The following NPC1L1 variants were observed in gnomAD, a reference collection of about 807,000 sequenced individuals.
The protein encoded by NPC1L1 is NPC1 like intracellular cholesterol transporter 1.
NPC1L1 carries 98 observed loss-of-function variants against 117.0 expected under a neutral mutation model. The observed-to-expected ratio is 0.84, with a 90% CI of 0.71 to 0.99. The LOEUF (loss-of-function observed/expected upper bound fraction) is 0.99, where lower values mean the gene tolerates loss of function less well. Among genes scored for constraint, NPC1L1 ranks in the 50% least tolerant of loss-of-function variants. The pLI is 0.00. For synonymous variants in NPC1L1, 729 were observed against 727.6 expected (o/e 1.00, Z -0.03); for missense variants, 1,540 against 1,710.0 (o/e 0.90, Z 1.75).
Position 44,533,541 on chromosome 7 carries a change from G to GC in NPC1L1, c.2298dup (p.Pro767AlafsTer17). The GC allele has an allele frequency of 6.2e-7, 1 of 1,614,218 alleles. No individual in the cohort carries two copies. Among genetic ancestry groups the GC allele is most frequent in the Non-Finnish European group, 8.5e-7 (1 of 1,180,036 alleles). On this transcript the variant is annotated frameshift_variant, in exon 8 of 19. Transcript: ENST00000381160. LOFTEE classifies it high-confidence loss of function. Reference sequence around the variant, plus strand: ...GTCAGGGCAAAGGTCCGCACAGCTGGCATGGGGGTCAGGGCCCCTGTGAGG... The same window carrying GC: ...GTCAGGGCAAAGGTCCGCACAGCTGGCCATGGGGGTCAGGGCCCCTGTGAGG...
intron 10 of NPC1L1, among the ~76,000 whole-genome samples, chr7:44,524,909 A>G (rs927325893): frequency 1.3e-5 from 2 of 152,146 alleles, no homozygotes; most frequent in African/African-American, 4.8e-5. Flanking sequence ...GCTAAAAAGT[A>G]CAGTAACTTA....
intron 15 of NPC1L1, 77 bp from the exon 16 acceptor site, chr7:44,517,011 G>T (rs556804455): frequency 2.0e-6 from 3 of 1,476,542 alleles, no homozygotes; most frequent in Non-Finnish European, 2.8e-6. Flanking sequence ...CACTTCAGAA[G>T]GAGAATGCTG....
At position 44,539,029 on chromosome 7, in the gene NPC1L1, T is replaced by C. The variant is rs995394486; in HGVS notation, c.1368A>G (p.Val456=). The C allele has an allele frequency of 1.9e-6, 3 of 1,613,978 alleles. No individual in the cohort carries two copies. The highest frequency in any genetic ancestry group is 2.7e-5 in the African/African-American group (2 of 74,906). The change falls in exon 2 of 19, where the codon GTA becomes GTG. Residue 456 remains valine (V), a synonymous_variant. Transcript: ENST00000381160. The surrounding 1 kb of genome is among the most constrained non-coding windows in gnomAD (Gnocchi z 4.4). ...ELQERLRHLQ[V]WSPEAQRNIS... ...TGTTGCGCTGTGCTTCGGGCGACCA[T>C]ACCTGGAGGTGCCGCAGCCTCTCCT... is the stretch of plus-strand genomic sequence containing the variant.
At chr7:44,519,536 T>C (rs1034004628) in intron 14 of NPC1L1, among the ~76,000 whole-genome samples, 2 of 152,108 alleles carry the variant, frequency 1.3e-5, no homozygotes, top group Non-Finnish European at 2.9e-5. Flanking sequence ...GTGAGCGAAC[T>C]TGAGGCAGCT....
At position 44,517,257 on chromosome 7, in the gene NPC1L1, G is replaced by A. The variant is rs1294369095; in HGVS notation, c.3237C>T (p.Asp1079=). 3 of 1,614,058 alleles carry A rather than the reference G, an allele frequency of 1.9e-6. No individual in the cohort carries two copies. The highest frequency in any genetic ancestry group is 2.5e-6 in the Non-Finnish European group (3 of 1,180,016). Residue 1079 remains aspartate (D), a synonymous_variant, in exon 15 of 19, where the codon GAC becomes GAT. Transcript: ENST00000381160. ...ARELAANITA[D]LRKVPGTDPA... is the part of the protein sequence containing the mutation. Reference sequence around the variant, plus strand: ...GGTCTGTTCCAGGCACTTTCCGCAGGTCAGCAGTGATGTTGGCTGCCAGCT... The same window carrying A: ...GGTCTGTTCCAGGCACTTTCCGCAGATCAGCAGTGATGTTGGCTGCCAGCT...
rs190200629 is a variant in NPC1L1, at chr7:44,521,716, G to A, written c.2949C>T (p.Thr983=). ...TCCCCATGGCCCCACACTCACTGAC[G>A]GTCGAGGGGCAGAACTTGTCCTTAT... ...GPNKDKFCPS[T]VNSLNCLKNC... Residue 983 remains threonine (T), a synonymous_variant, in exon 12 of 19, where the codon ACC becomes ACT. Coordinates refer to ENST00000381160, the MANE Select transcript of NPC1L1 (RefSeq NM_001101648.2). 2.9e-4 allele frequency: 464 copies of A among 1,614,100 alleles called. 3 individuals carry two copies. In the Admixed American group the frequency reaches 5.5e-3, roughly 19 times the overall value.
intron 18 of NPC1L1, among the ~76,000 whole-genome samples, chr7:44,514,116 G>A (rs1213623995): frequency 6.6e-6 from 1 of 152,164 alleles, no homozygotes; most frequent in Non-Finnish European, 1.5e-5. Context: ...AAAATGGGAA[G>A]GATAATAATA....
intron 10 of NPC1L1, among the ~76,000 whole-genome samples, chr7:44,528,675 T>C (rs578211858): frequency 2.6e-5 from 4 of 152,034 alleles, no homozygotes; most frequent in Non-Finnish European, 5.9e-5. Flanking sequence ...AAACAAAAAA[T>C]CTACAAGGCA....
chr7:44,520,677 A>G (rs568903267), intron 14 of NPC1L1, 88 bp downstream of exon 14: 260 of 1,131,336 alleles, frequency 2.3e-4, no homozygotes, highest in Non-Finnish European at 3.4e-4. Flanking sequence ...GGAGGGAGAC[A>G]ACATGTGACA....
Position 44,518,648 on chromosome 7 carries a change from G to A in NPC1L1, c.3137-1291C>T, listed in dbSNP as rs1480810950. ...TGTGCCACTGTACTCCAGCCTGGGTGACAGAATGGCAACTGTGTCTCAAAA... is the reference window on the plus strand; with the variant it reads ...TGTGCCACTGTACTCCAGCCTGGGTAACAGAATGGCAACTGTGTCTCAAAA... On this transcript the variant is annotated intron_variant, in intron 14 of 18. Transcript: ENST00000381160. 8.0e-5 allele frequency: 86 copies of A among 1,077,572 alleles called. No homozygotes were observed. The highest frequency in any genetic ancestry group is 9.8e-5 in the Non-Finnish European group (79 of 808,616). The allele number at this position is 1,077,572 out of a possible 1,614,324, so 66.8% of individuals were successfully genotyped here.
At chr7:44,525,336 C>A (rs761847784) in intron 10 of NPC1L1, among the ~76,000 whole-genome samples, 3 of 152,102 alleles carry the variant, frequency 2.0e-5, no homozygotes, top group Non-Finnish European at 2.9e-5. Flanking sequence ...CGGCTCACTG[C>A]AACCTCTGCC....
rs1801338532 is a variant in NPC1L1 at position 44,521,058 on chromosome 7, A to G, written c.3014T>C (p.Val1005Ala). 1.9e-6 allele frequency: 3 copies of G among 1,614,180 alleles called. No individual in the cohort carries two copies. In the East Asian group the frequency reaches 6.7e-5, roughly 36 times the overall value. ...GGGAAGATACTTATGGAACTGCTCC[A>G]CCGAGGGCCTCACAGAGCCCATCGT... ...SITMGSVRPS[V>A]EQFHKYLPWF... The change falls in exon 13 of 19, where the codon GTG (valine) becomes GCG (alanine). Residue 1005 changes from valine to alanine, a missense_variant. Physicochemically the swap from Val to Ala is moderately conservative, Grantham distance 64. Around this residue, in one of 3 missense-constraint regions of NPC1L1, gnomAD observed 742 missense variants for 873.6 expected, o/e 0.85. Coordinates refer to ENST00000381160, the MANE Select transcript of NPC1L1 (RefSeq NM_001101648.2).
chr7:44,539,437 C>G lies in NPC1L1; in HGVS notation c.960G>C (p.Lys320Asn), dbSNP rs1257274192. The change falls in exon 2 of 19, where the codon AAG becomes AAC. Residue 320 changes from lysine to asparagine, a missense_variant. This residue lies in a region of NPC1L1 where 793 missense variants were observed against 820.4 expected (regional missense o/e 0.97). Transcript: ENST00000381160. The surrounding 1 kb of genome is among the most constrained non-coding windows in gnomAD (Gnocchi z 4.4). ...GCTTGTCAGAGAGGCTGGTGCCCTT[C>G]TTGGGGTCCACCATCTTGCTTTTGT... is the stretch of plus-strand genomic sequence containing the variant. ...ARDKSKMVDP[K>N]KGTSLSDKLS... 1 of 1,613,860 alleles carries G rather than the reference C, an allele frequency of 6.2e-7. No individual in the cohort carries two copies. The highest frequency in any genetic ancestry group is 2.2e-5 in the East Asian group (1 of 44,892).
At chr7:44,526,413 G>A (rs1801516802) in intron 10 of NPC1L1, among the ~76,000 whole-genome samples, 1 of 151,580 alleles carries the variant, frequency 6.6e-6, no homozygotes, top group African/African-American at 2.4e-5. Context: ...GCCAGGCGTG[G>A]AGGCATGCAC....
At chr7:44,533,986 G>C in intron 6 of NPC1L1, 133 bp from the exon 7 acceptor site, 2 of 732,380 alleles carry the variant, frequency 2.7e-6, no homozygotes, top group Non-Finnish European at 4.9e-6. Context: ...TGAATCATCA[G>C]AGACTCTCAT....
Position 44,521,732 on chromosome 7 carries a change from T to A in NPC1L1, c.2933A>T (p.Lys978Met). 1 of 1,614,156 alleles carries A rather than the reference T, an allele frequency of 6.2e-7. No homozygotes were observed. Among genetic ancestry groups the A allele is most frequent in the Non-Finnish European group, 8.5e-7 (1 of 1,180,020 alleles). The change falls in exon 12 of 19, where the codon AAG becomes ATG. Residue 978 changes from lysine (K) to methionine (M), a missense_variant. Around this residue, in one of 3 missense-constraint regions of NPC1L1, gnomAD observed 742 missense variants for 873.6 expected, o/e 0.85. Transcript: ENST00000381160. ...RLYISGPNKD[K>M]FCPSTVNSLN... is the part of the protein sequence containing the mutation. The stretch of plus-strand genomic sequence containing the variant: ...CTCACTGACGGTCGAGGGGCAGAAC[T>A]TGTCCTTATTGGGGCCAGATATATA...
At position 44,539,901 on chromosome 7, in the gene NPC1L1, C is replaced by G. The variant is rs778443348; in HGVS notation, c.496G>C (p.Glu166Gln). 6.2e-7 allele frequency: 1 copy of G among 1,614,124 alleles called. No homozygotes were observed. Among genetic ancestry groups the G allele is most frequent in the Non-Finnish European group, 8.5e-7 (1 of 1,180,038 alleles). ...CGGCTGCAGGAGTCATAGCTCTGCT[C>G]GGCAAAGCTATGCTGGTAGAAGGCC... ...YEAFYQHSFA[E>Q]QSYDSCSRVR... The change falls in exon 2 of 19, where the codon GAG becomes CAG. Residue 166 changes from glutamate (E) to glutamine (Q), a missense_variant. Transcript: ENST00000381160. The surrounding 1 kb of genome is among the most constrained non-coding windows in gnomAD (Gnocchi z 4.4).
chr7:44,535,024 A>G (rs1048807363), intron 5 of NPC1L1, among the ~76,000 whole-genome samples: 1 of 152,188 alleles, frequency 6.6e-6, no homozygotes, highest in African/African-American at 2.4e-5. Flanking sequence ...ACTTGAGCCC[A>G]GGAGTTTGAG....
At position 44,535,984 on chromosome 7, in the gene NPC1L1, C is replaced by T. The variant is rs761443680; in HGVS notation, c.1855-16G>A. 15 of 1,612,606 alleles carry T rather than the reference C, an allele frequency of 9.3e-6. No homozygotes were observed. Among genetic ancestry groups the T allele is most frequent in the Admixed American group, 3.3e-5 (2 of 60,028 alleles). On this transcript the variant is annotated splice_polypyrimidine_tract_variant and intron_variant, in intron 4 of 18. Coordinates refer to ENST00000381160, the MANE Select transcript of NPC1L1 (RefSeq NM_001101648.2). ...CCAGAGAGCGCTGTGGACACACACC[C>T]GACCAGCCCCCACTGACCGTGCCTG... is the stretch of plus-strand genomic sequence containing the variant.
Sources: gnomAD v4.1 joint callset for allele counts (sites outside exome capture counted in the v4.1 genomes callset) on GRCh38, gnomAD v4.1.1 for gene constraint, gnomAD v4.1.1 regional missense constraint, Gnocchi (gnomAD v3.1) non-coding constraint, MANE v1.5 for transcripts, NCBI Gene and HGNC (gene_info 2026-07-23, HGNC 2026-07-21) for gene names.